The following AGAP1 variants were observed in gnomAD, a reference collection of about 807,000 sequenced individuals.
AGAP1 encodes arf-GAP with GTPase, ANK repeat and PH domain-containing protein 1.
A neutral mutation model predicts 105.3 loss-of-function variants in AGAP1; 29 were observed. That is an observed-to-expected ratio of 0.28 (90% CI 0.21 to 0.38). The LOEUF is 0.38. Ranked by LOEUF, AGAP1 falls within the 10% of genes least tolerant of loss-of-function variation. The probability of loss-of-function intolerance (pLI) is 1.00; values close to 1 mark genes in which losing one functional copy is unlikely to be tolerated. For synonymous variants in AGAP1, 509 were observed against 485.9 expected (o/e 1.05, Z -0.63); for missense variants, 998 against 1,165.1 (o/e 0.86, Z 2.09).
In AGAP1 at chr2:236,128,763, G is replaced by T. The variant is rs1255212765; in HGVS notation, c.*4641G>T. The T allele has an allele frequency of 2.0e-5, 3 of 152,188 alleles. No homozygotes were observed. In the South Asian group the frequency reaches 6.2e-4, roughly 32 times the overall value. 9.4% of individuals were successfully genotyped at this position (152,188 alleles called of 1,614,324 possible). ...ACGATGTAGCTTCCCCTGAGATGCGGTATGATCAGGCCTCAGCAACTACTC... is the reference window on the plus strand; with the variant it reads ...ACGATGTAGCTTCCCCTGAGATGCGTTATGATCAGGCCTCAGCAACTACTC... On this transcript the variant is annotated 3_prime_UTR_variant, in exon 18 of 18. Transcript: ENST00000304032. The surrounding 1 kb of genome is among the most constrained non-coding windows in gnomAD (Gnocchi z 5.9).
At chr2:235,525,579 A>T (rs984829577) in intron 1 of AGAP1, among the ~76,000 whole-genome samples, 1 of 151,996 alleles carries the variant, frequency 6.6e-6, no homozygotes. Context: ...GGACTGATTT[A>T]TAAAGTAGAG....
At position 235,740,313 on chromosome 2, in the gene AGAP1, C is replaced by T. The variant is rs1290448025; in HGVS notation, c.311-650C>T. ...GGTCACCTCTGTTCCTGCAGGGTCC[C>T]GGTGGTCTCCCGCTAACCCCGCGTG... is the stretch of plus-strand genomic sequence containing the variant. On this transcript the variant is annotated intron_variant, in intron 3 of 17. Coordinates refer to ENST00000304032, the MANE Select transcript of AGAP1 (RefSeq NM_001037131.3). The surrounding 1 kb of genome is among the most constrained non-coding windows in gnomAD (Gnocchi z 5.7). Among the ~76,000 whole-genome samples the T allele has an allele frequency of 2.0e-5, 3 of 152,104 alleles. No homozygotes were observed. The highest frequency in any genetic ancestry group is 4.4e-5 in the Non-Finnish European group (3 of 68,026).
intron 1 of AGAP1, among the ~76,000 whole-genome samples, chr2:235,523,590 G>A (rs143466906): frequency 2.6e-4 from 40 of 152,264 alleles, no homozygotes; most frequent in African/African-American, 9.4e-4. Flanking sequence ...GGTCCTCACT[G>A]TGAAAAGCTG....
chr2:235,857,367 C>G (rs548735647), intron 9 of AGAP1, among the ~76,000 whole-genome samples: 20 of 152,270 alleles, frequency 1.3e-4, no homozygotes, highest in African/African-American at 4.6e-4. Context: ...AAATTGTCTT[C>G]CAGGAAACTG....
At chr2:235,658,655 G>A (rs1473415925) in intron 1 of AGAP1, among the ~76,000 whole-genome samples, 1 of 152,032 alleles carries the variant, frequency 6.6e-6, no homozygotes, top group African/African-American at 2.4e-5. Context: ...TGGAGCTGTT[G>A]GCGGGGCAGA....
rs1943892119 is a variant in AGAP1, at chr2:235,553,907, A to G, written c.163+59058A>G. Among the ~76,000 whole-genome samples, 1 of 152,032 alleles carries G rather than the reference A, an allele frequency of 6.6e-6. No individual in the cohort carries two copies. Among genetic ancestry groups the G allele is most frequent in the African/African-American group, 2.4e-5 (1 of 41,406 alleles). On this transcript the variant is annotated intron_variant, in intron 1 of 17. Transcript: ENST00000304032. This position sits in a 1 kb window ranked among gnomAD's most constrained non-coding sequence, Gnocchi z 4.5. Reference sequence around the variant, plus strand: ...CGAAGCACGGTTGCCTCCGCCTCCCACCCCACCCCGTGGTGCGGCGTGTGC... The same window carrying G: ...CGAAGCACGGTTGCCTCCGCCTCCCGCCCCACCCCGTGGTGCGGCGTGTGC...
Position 235,692,926 on chromosome 2 carries a change from C to T in AGAP1, c.164-16253C>T, listed in dbSNP as rs1460019894. Among the ~76,000 whole-genome samples, 1 of 152,032 alleles carries T rather than the reference C, an allele frequency of 6.6e-6. No homozygotes were observed. Among genetic ancestry groups the T allele is most frequent in the East Asian group, 1.9e-4 (1 of 5,148 alleles). On this transcript the variant is annotated intron_variant, in intron 1 of 17. Coordinates refer to ENST00000304032, the MANE Select transcript of AGAP1 (RefSeq NM_001037131.3). This position sits in a 1 kb window ranked among gnomAD's most constrained non-coding sequence, Gnocchi z 5.8. ...GGCAGTGAGCAGGACCTGTTGCTGTCGGTGGTGGCATCAGTGGAGTTGGCA... is the reference window on the plus strand; with the variant it reads ...GGCAGTGAGCAGGACCTGTTGCTGTTGGTGGTGGCATCAGTGGAGTTGGCA...
chr2:235,928,712 G>A (rs1350344965), intron 11 of AGAP1, among the ~76,000 whole-genome samples: 1 of 152,152 alleles, frequency 6.6e-6, no homozygotes, highest in Non-Finnish European at 1.5e-5. Context: ...TGCCTTCTGT[G>A]GGGTCTGAAT....
At position 235,610,412 on chromosome 2, in the gene AGAP1, G is replaced by T. The variant is rs933957416; in HGVS notation, c.164-98767G>T. 6.6e-6 allele frequency among the ~76,000 whole-genome samples: 1 copy of T among 152,110 alleles called. No homozygotes were observed. Among genetic ancestry groups the T allele is most frequent in the African/African-American group, 2.4e-5 (1 of 41,424 alleles). The stretch of plus-strand genomic sequence containing the variant: ...TAGAGGCTGGAAGTCCAAGATCAGG[G>T]TGCTGGCATGGTTGGACTCTGGAGA... On this transcript the variant is annotated intron_variant, in intron 1 of 17. Coordinates refer to ENST00000304032, the MANE Select transcript of AGAP1 (RefSeq NM_001037131.3). The surrounding 1 kb of genome is among the most constrained non-coding windows in gnomAD (Gnocchi z 4.9).
At chr2:235,524,244 CGA>C (rs991694855) in intron 1 of AGAP1, 3 of 156,388 alleles carry the variant, frequency 1.9e-5, no homozygotes, top group African/African-American at 7.2e-5. Flanking sequence ...CTGCCCAGAG[CGA>C]GTAGGGTCAC....
At chr2:235,807,108 G>A (rs972534732) in intron 8 of AGAP1, 131 bp from the exon 9 acceptor site, 42 of 789,382 alleles carry the variant, frequency 5.3e-5, no homozygotes, top group Middle Eastern at 2.3e-4. Flanking sequence ...CTCGTCGGAC[G>A]TGTCTGTGCG....
chr2:235,550,233 C>G lies in AGAP1; in HGVS notation c.163+55384C>G, dbSNP rs1055794604. ...ACACAGGCAGCCCGAGGCACCTCCT[C>G]GTCACAGTGTTCTCCGCAGCCCTGA... On this transcript the variant is annotated intron_variant, in intron 1 of 17. Transcript: ENST00000304032. The surrounding 1 kb of genome is among the most constrained non-coding windows in gnomAD (Gnocchi z 4.6). 6.6e-6 allele frequency among the ~76,000 whole-genome samples: 1 copy of G among 152,164 alleles called. No homozygotes were observed. Among genetic ancestry groups the G allele is most frequent in the Non-Finnish European group, 1.5e-5 (1 of 68,026 alleles).
chr2:236,120,294 C>T lies in AGAP1; in HGVS notation c.2217C>T (p.Ala739=). The change falls in exon 17 of 18, where the codon GCC becomes GCT. Residue 739 remains alanine (A), a synonymous_variant. Coordinates refer to ENST00000304032, the MANE Select transcript of AGAP1 (RefSeq NM_001037131.3). The surrounding 1 kb of genome is among the most constrained non-coding windows in gnomAD (Gnocchi z 6.0). ...ELSLGQHLLR[A]TADEDLRTAI... ...CCCTGGGCCAGCACCTGCTGCGGGC[C>T]ACCGCCGACGAGGACCTGCGGACGG... 6.2e-7 allele frequency: 1 copy of T among 1,612,884 alleles called. No individual in the cohort carries two copies. The highest frequency in any genetic ancestry group is 8.5e-7 in the Non-Finnish European group (1 of 1,179,710).
rs550555518 is a variant in AGAP1 at position 235,655,134 on chromosome 2, T to C, written c.164-54045T>C. ...TTGTGCATTTGACACAAGGTCAGCA[T>C]AGATTTAACAGGAGACATAAGCTTT... On this transcript the variant is annotated intron_variant, in intron 1 of 17. Coordinates refer to ENST00000304032, the MANE Select transcript of AGAP1 (RefSeq NM_001037131.3). This position sits in a 1 kb window ranked among gnomAD's most constrained non-coding sequence, Gnocchi z 4.3. Among the ~76,000 whole-genome samples, 2 of 152,086 alleles carry C rather than the reference T, an allele frequency of 1.3e-5. No individual in the cohort carries two copies. The highest frequency in any genetic ancestry group is 1.3e-4 in the Admixed American group (2 of 15,286).
Position 235,965,738 on chromosome 2 carries a change from A to G in AGAP1, c.1484-2724A>G, listed in dbSNP as rs2054361616. 6.6e-6 allele frequency among the ~76,000 whole-genome samples: 1 copy of G among 152,124 alleles called. No individual in the cohort carries two copies. The highest frequency in any genetic ancestry group is 1.5e-5 in the Non-Finnish European group (1 of 68,030). On this transcript the variant is annotated intron_variant, in intron 12 of 17. Coordinates refer to ENST00000304032, the MANE Select transcript of AGAP1 (RefSeq NM_001037131.3). This position sits in a 1 kb window ranked among gnomAD's most constrained non-coding sequence, Gnocchi z 5.8. ...CTTTGGATGAGTGTTTGCTGTTGAGACTGTGGCTTCAAGGGTTAAGGAAAT... is the reference window on the plus strand; with the variant it reads ...CTTTGGATGAGTGTTTGCTGTTGAGGCTGTGGCTTCAAGGGTTAAGGAAAT...
chr2:236,118,477 C>T (rs2059825076), intron 16 of AGAP1, among the ~76,000 whole-genome samples: 1 of 150,706 alleles, frequency 6.6e-6, no homozygotes, highest in Non-Finnish European at 1.5e-5. Flanking sequence ...GCAACCTCTG[C>T]CTCCCGGGTT....
At chr2:235,650,397 A>G (rs777385204) in intron 1 of AGAP1, among the ~76,000 whole-genome samples, 11 of 152,090 alleles carry the variant, frequency 7.2e-5, no homozygotes, top group Admixed American at 4.6e-4. Context: ...TCATCTATCC[A>G]TCTGTCCTTA....
rs1305010351 is a variant in AGAP1, at chr2:236,051,960, C to T, written c.2114+2679C>T. ...CAATAGAAAATGGAAAAGTGAAAGTCGGGGCTGGAATCTCCGCAAGCCGGT... is the reference window on the plus strand; with the variant it reads ...CAATAGAAAATGGAAAAGTGAAAGTTGGGGCTGGAATCTCCGCAAGCCGGT... On this transcript the variant is annotated intron_variant, in intron 16 of 17. Coordinates refer to ENST00000304032, the MANE Select transcript of AGAP1 (RefSeq NM_001037131.3). This position sits in a 1 kb window ranked among gnomAD's most constrained non-coding sequence, Gnocchi z 5.9. Among the ~76,000 whole-genome samples the T allele has an allele frequency of 3.3e-5, 5 of 152,080 alleles. No individual in the cohort carries two copies. The highest frequency in any genetic ancestry group is 2.1e-4 in the South Asian group (1 of 4,804).
chr2:235,731,734 A>G (rs1951958955), intron 3 of AGAP1, among the ~76,000 whole-genome samples: 1 of 152,190 alleles, frequency 6.6e-6, no homozygotes. Context: ...GCCGACATGG[A>G]TTAGCTCATT....
Sources: allele counts gnomAD v4.1 joint callset (sites outside exome capture counted in the v4.1 genomes callset), GRCh38; gene constraint gnomAD v4.1.1; non-coding constraint Gnocchi (gnomAD v3.1); transcripts MANE v1.5; gene names NCBI Gene and HGNC (gene_info 2026-07-23, HGNC 2026-07-21).